The following PKHD1 variants were observed in gnomAD, a reference collection of about 807,000 sequenced individuals.
The protein encoded by PKHD1 is fibrocystin.
Under a neutral mutation model 412.0 loss-of-function variants are expected in PKHD1, and 291 were observed. The ratio of observed to expected loss-of-function variants is 0.71; its 90% confidence interval spans 0.64 to 0.78. PKHD1 has a LOEUF of 0.78. Among genes scored for constraint, PKHD1 ranks in the 30% least tolerant of loss-of-function variants. PKHD1 has a pLI of 0.00. For synonymous variants in PKHD1, 1,777 were observed against 1,821.5 expected, an observed-to-expected ratio of 0.98 and a Z score of 0.62; for missense variants, 4,825 against 4,950.7, an observed-to-expected ratio of 0.97 and a Z score of 0.76.
intron 6 of PKHD1, among the ~76,000 whole-genome samples, chr6:52,073,850 G>A (rs926428805): frequency 3.3e-5 from 5 of 152,124 alleles, no homozygotes; most frequent in African/African-American, 4.8e-5. Flanking sequence ...TCAGAAAGGA[G>A]GGGCTCATCT....
At chr6:51,973,671 C>T (rs982245902) in intron 35 of PKHD1, among the ~76,000 whole-genome samples, 1 of 152,210 alleles carries the variant, frequency 6.6e-6, no homozygotes, top group Non-Finnish European at 1.5e-5. Context: ...ACCACAACAC[C>T]TCTCAGAAAC....
chr6:51,923,116 G>A (rs1343707554), intron 37 of PKHD1, among the ~76,000 whole-genome samples: 1 of 152,110 alleles, frequency 6.6e-6, no homozygotes, highest in African/African-American at 2.4e-5. Flanking sequence ...ACGTTCATGG[G>A]TTCCAAGGAT....
intron 43 of PKHD1, among the ~76,000 whole-genome samples, chr6:51,891,262 TTTG>T (rs1779073743): frequency 6.6e-6 from 1 of 152,002 alleles, no homozygotes; most frequent in Non-Finnish European, 1.5e-5. Context: ...GTTTTGGGGT[TTTG>T]TTTTTTTGTT....
chr6:51,781,755 T>C (rs900336215), intron 53 of PKHD1, among the ~76,000 whole-genome samples: 4 of 152,058 alleles, frequency 2.6e-5, no homozygotes, highest in Admixed American at 2.6e-4. Flanking sequence ...ATCACACTTA[T>C]TTAAAATTAA....
chr6:51,741,181 G>A (rs1466707367), intron 60 of PKHD1: 2 of 518,704 alleles, frequency 3.9e-6, no homozygotes, highest in East Asian at 5.5e-5. Flanking sequence ...TACACCATCT[G>A]GTAAGCAACC....
intron 52 of PKHD1, among the ~76,000 whole-genome samples, chr6:51,798,456 A>G (rs1794930627): frequency 6.6e-6 from 1 of 152,014 alleles, no homozygotes; most frequent in Non-Finnish European, 1.5e-5. Context: ...TCTACCCCCA[A>G]TCTCTTTTGG....
At chr6:51,701,221 TA>T (rs1582160388) in intron 60 of PKHD1, among the ~76,000 whole-genome samples, 1 of 152,130 alleles carries the variant, frequency 6.6e-6, no homozygotes, top group South Asian at 2.1e-4. Flanking sequence ...GAGATCTTTT[TA>T]AAAAAATTTT....
intron 60 of PKHD1, among the ~76,000 whole-genome samples, chr6:51,711,644 G>T (rs1437386400): frequency 6.6e-6 from 1 of 152,064 alleles, no homozygotes; most frequent in African/African-American, 2.4e-5. Context: ...GAAACATAAG[G>T]ATTTATAATG....
rs377091349 is a variant in PKHD1, at chr6:51,935,886, T to C, written c.5909-1564A>G. On this transcript the variant is annotated intron_variant, in intron 36 of 66. Coordinates refer to ENST00000371117, the MANE Select transcript of PKHD1 (RefSeq NM_138694.4). The stretch of plus-strand genomic sequence containing the variant: ...TTATCGGAATGTTCTGATATTCCCA[T>C]GGCTCACTCTCCCTTGTTACTATTC... 1.2e-4 allele frequency among the ~76,000 whole-genome samples: 19 copies of C among 152,332 alleles called. 1 individual carries two copies. In the South Asian group the frequency reaches 2.3e-3, roughly 18 times the overall value.
chr6:51,927,664 G>A (rs1412330695), intron 37 of PKHD1, among the ~76,000 whole-genome samples: 1 of 152,200 alleles, frequency 6.6e-6, no homozygotes, highest in Non-Finnish European at 1.5e-5. Flanking sequence ...CTTTTCCCAG[G>A]TGGAATGTCT....
chr6:51,793,166 AAAAT>A (rs148217959), intron 52 of PKHD1, among the ~76,000 whole-genome samples: 5 of 152,316 alleles, frequency 3.3e-5, no homozygotes, highest in African/African-American at 1.2e-4. Context: ...TAAACAGACA[AAAAT>A]AAATATATAT....
intron 52 of PKHD1, among the ~76,000 whole-genome samples, chr6:51,808,479 T>C (rs2151380006): frequency 6.6e-6 from 1 of 151,550 alleles, no homozygotes; most frequent in East Asian, 2.0e-4. Context: ...CTAGTCATAA[T>C]TTTATTTGAA....
At chr6:51,996,303 C>T (rs1401231396) in intron 35 of PKHD1, among the ~76,000 whole-genome samples, 2 of 151,910 alleles carry the variant, frequency 1.3e-5, no homozygotes, top group Admixed American at 1.3e-4. Flanking sequence ...GCCACCGCTC[C>T]CAGTTGGGAA....
At chr6:51,742,142 C>T (rs1442542501) in intron 60 of PKHD1, among the ~76,000 whole-genome samples, 2 of 152,054 alleles carry the variant, frequency 1.3e-5, no homozygotes, top group African/African-American at 4.8e-5. Context: ...TTAGTGCTAC[C>T]CACATATTTT....
At chr6:51,695,805 C>A (rs1262620329) in intron 60 of PKHD1, among the ~76,000 whole-genome samples, 3 of 152,082 alleles carry the variant, frequency 2.0e-5, no homozygotes, top group East Asian at 1.9e-4. Flanking sequence ...AGAAAAAATT[C>A]TTTATGTAAC....
intron 43 of PKHD1, among the ~76,000 whole-genome samples, chr6:51,892,854 C>T (rs961342039): frequency 1.3e-5 from 2 of 152,176 alleles, no homozygotes; most frequent in Non-Finnish European, 2.9e-5. Context: ...TGCTTCTTGG[C>T]CTCAAGAAGA....
rs1403652246 is a variant in PKHD1, at chr6:51,861,647, T to C, written c.7734-5577A>G. ...TAAAAATACACCATGCTCATAACAA[T>C]CCTTGTCACAGCACCACTATTCTAT... On this transcript the variant is annotated intron_variant, in intron 48 of 66. Transcript: ENST00000371117. Among the ~76,000 whole-genome samples the C allele has an allele frequency of 3.3e-5, 5 of 152,188 alleles. No individual in the cohort carries two copies. In the East Asian group the frequency reaches 9.6e-4, roughly 29 times the overall value.
Position 51,854,104 on chromosome 6 carries a change from TG to T in PKHD1, c.7911+1788del, listed in dbSNP as rs371702133. Among the ~76,000 whole-genome samples, 470 of 152,262 alleles carry T rather than the reference TG, an allele frequency of 3.1e-3. 6 individuals carry two copies. Among genetic ancestry groups the T allele is most frequent in the African/African-American group, 0.01 (425 of 41,566 alleles). On this transcript the variant is annotated intron_variant, in intron 49 of 66. Transcript: ENST00000371117. ...TGTTGACCCTTGGATAGGATTTTTG[TG>T]GGGGCCTTTTTGTTGTTTTTGTTGT... is the stretch of plus-strand genomic sequence containing the variant.
At chr6:51,908,676 T>C (rs1162681034) in intron 40 of PKHD1, among the ~76,000 whole-genome samples, 1 of 152,152 alleles carries the variant, frequency 6.6e-6, no homozygotes, top group Non-Finnish European at 1.5e-5. Context: ...ACCTAGTTGT[T>C]CTCACCTGAA....
Sources: gnomAD v4.1 joint callset for allele counts (sites outside exome capture counted in the v4.1 genomes callset) on GRCh38, gnomAD v4.1.1 for gene constraint, MANE v1.5 for transcripts, NCBI Gene and HGNC (gene_info 2026-07-23, HGNC 2026-07-21) for gene names.